The following CEP295 variants were observed in gnomAD, a reference collection of about 807,000 sequenced individuals.
The protein encoded by CEP295 is centrosomal protein 295, also known as centrosomal protein of 295 kDa.
Under a neutral mutation model 291.6 loss-of-function variants are expected in CEP295, and 190 were observed. That is an observed-to-expected ratio of 0.65 (90% CI 0.58 to 0.73). The LOEUF is 0.73. Among genes scored for constraint, CEP295 ranks in the 30% least tolerant of loss-of-function variants. The pLI is 0.00. For missense variants in CEP295, 2,863 were observed against 2,949.4 expected, an observed-to-expected ratio of 0.97 and a Z score of 0.68; for synonymous variants, 993 against 1,038.8, an observed-to-expected ratio of 0.96 and a Z score of 0.85.
At chr11:93,716,326 T>C (rs1237423063) in intron 18 of CEP295, among the ~76,000 whole-genome samples, 1 of 152,154 alleles carries the variant, frequency 6.6e-6, no homozygotes, top group East Asian at 1.9e-4. Flanking sequence ...ACAGATTCTC[T>C]CTCCGCACCA....
chr11:93,671,506 CT>C (rs1410791239), intron 5 of CEP295, among the ~76,000 whole-genome samples: 1 of 152,198 alleles, frequency 6.6e-6, no homozygotes, highest in Non-Finnish European at 1.5e-5. Context: ...TTAATTTACT[CT>C]GTCCCGTATC....
At chr11:93,709,989 TG>T (rs2135218070) in intron 18 of CEP295, among the ~76,000 whole-genome samples, 1 of 152,370 alleles carries the variant, frequency 6.6e-6, no homozygotes, top group East Asian at 1.9e-4. Flanking sequence ...ATGTTGATTT[TG>T]TATCCTGCAA....
intron 23 of CEP295, 125 bp from the exon 24 acceptor site, chr11:93,726,851 C>A: frequency 1.5e-6 from 1 of 678,158 alleles, no homozygotes; most frequent in Non-Finnish European, 2.5e-6. Context: ...TGTTTATACA[C>A]ATCAACTTTT....
In CEP295 at chr11:93,697,575, T is replaced by C. The variant is rs115822333; in HGVS notation, c.2663T>C (p.Phe888Ser). Residue 888 changes from phenylalanine to serine, a missense_variant, in exon 15 of 30, where the codon TTC (phenylalanine) becomes TCC (serine). By Grantham distance (155) the Phe-to-Ser change is radical. Transcript: ENST00000325212. ...EVEQQTGLSVFLPLVTPDSSA... is the reference protein window; with the variant it reads ...EVEQQTGLSVSLPLVTPDSSA... The stretch of plus-strand genomic sequence containing the variant: ...GAACAGCAAACGGGCCTCTCGGTAT[T>C]CCTTCCCTTGGTAACTCCAGATTCA... 2,772 of 1,551,750 alleles carry C rather than the reference T, an allele frequency of 1.8e-3. 43 individuals carry two copies. In the African/African-American group the frequency reaches 0.032, roughly 18 times the overall value.
intron 3 of CEP295, 26 bp from the exon 4 acceptor site, chr11:93,668,782 A>T (rs1950302865): frequency 6.9e-7 from 1 of 1,454,952 alleles, no homozygotes; most frequent in Non-Finnish European, 9.2e-7. Context: ...GTTTAACATG[A>T]CATTTTAAGT....
At chr11:93,683,846 T>C in intron 8 of CEP295, 104 bp downstream of exon 8, 1 of 1,422,386 alleles carries the variant, frequency 7.0e-7, no homozygotes. Flanking sequence ...GAGTTCTCTG[T>C]TTGAAGGAGG....
chr11:93,685,377 TTATCA>T (rs960247481), intron 9 of CEP295, among the ~76,000 whole-genome samples: 1 of 152,224 alleles, frequency 6.6e-6, no homozygotes, highest in African/African-American at 2.4e-5. Context: ...CCAGGCTTTC[TTATCA>T]TCTTCACCCT....
rs184863928 is a variant in CEP295 at position 93,682,812 on chromosome 11, T to G, written c.766-747T>G. Among the ~76,000 whole-genome samples the G allele has an allele frequency of 2.4e-4, 37 of 152,326 alleles. No homozygotes were observed. The East Asian group carries it at 5.6e-3, about 23-fold the overall frequency. On this transcript the variant is annotated intron_variant, in intron 7 of 29. Coordinates refer to ENST00000325212, the MANE Select transcript of CEP295 (RefSeq NM_033395.2). ...AGCTATAATGAACAGTGTGCTATTT[T>G]CTGAATATCCCGTGCCTTCATCTCC...
intron 17 of CEP295, 93 bp from the exon 18 acceptor site, chr11:93,706,652 A>G: frequency 9.3e-7 from 1 of 1,076,594 alleles, no homozygotes; most frequent in Non-Finnish European, 1.3e-6. Context: ...AGTCTTTAAG[A>G]GCTTAGATTT....
At position 93,702,655 on chromosome 11, in the gene CEP295, G is replaced by A. The variant is rs775837772; in HGVS notation, c.5452+18G>A. 3 of 1,534,398 alleles carry A rather than the reference G, an allele frequency of 2.0e-6. No homozygotes were observed. Among genetic ancestry groups the A allele is most frequent in the South Asian group, 2.5e-5 (2 of 80,792 alleles). On this transcript the variant is annotated intron_variant, in intron 16 of 29. Coordinates refer to ENST00000325212, the MANE Select transcript of CEP295 (RefSeq NM_033395.2). ...GCAAAGTGGTAAGATAATTGTGTTT[G>A]ATTGTAATTATTTCACTGATTATTC...
Position 93,698,656 on chromosome 11 carries a change from A to T in CEP295, c.3744A>T (p.Gln1248His), listed in dbSNP as rs375480523. 6 of 1,550,806 alleles carry T rather than the reference A, an allele frequency of 3.9e-6. No homozygotes were observed. Among genetic ancestry groups the T allele is most frequent in the Non-Finnish European group, 5.2e-6 (6 of 1,147,106 alleles). Residue 1248 changes from glutamine to histidine, a missense_variant, in exon 15 of 30, where the codon CAA (glutamine) becomes CAT (histidine). By Grantham distance (24) the Gln-to-His change is conservative. Coordinates refer to ENST00000325212, the MANE Select transcript of CEP295 (RefSeq NM_033395.2). ...AGGAAAGACTTTTGAGAGTTTCACA[A>T]CATATGCTACCTCTACAAGATAATT... ...RCQERLLRVS[Q>H]HMLPLQDNLE...
At chr11:93,663,066 A>C (rs1950057788) in intron 1 of CEP295, among the ~76,000 whole-genome samples, 1 of 152,246 alleles carries the variant, frequency 6.6e-6, no homozygotes, top group Admixed American at 6.5e-5. Flanking sequence ...ACAGACTGAG[A>C]AACTGTCCCA....
In CEP295 at chr11:93,722,034, G is replaced by A. The variant is rs199966374; in HGVS notation, c.5931G>A (p.Leu1977=). 2.3e-4 allele frequency: 363 copies of A among 1,550,700 alleles called. 1 individual carries two copies. The Middle Eastern group carries it at 6.2e-3, about 26-fold the overall frequency. ...TTTTAAGTTATGAAAACACAGATTT[G>A]AGCCTTACAGATCCAGGTAATAAGG... ...GSLLSYENTD[L]SLTDPESFSE... Residue 1977 remains leucine, a synonymous_variant, in exon 20 of 30, where the codon TTG becomes TTA. Transcript: ENST00000325212.
chr11:93,697,876 C>G lies in CEP295; in HGVS notation c.2964C>G (p.Ser988=). The change falls in exon 15 of 30, where the codon TCC becomes TCG. Residue 988 remains serine, a synonymous_variant. Coordinates refer to ENST00000325212, the MANE Select transcript of CEP295 (RefSeq NM_033395.2). ...KQSELDRRVC[S]EQAEPSFPFQ... ...GTGAATTGGATAGAAGAGTATGTTC[C>G]GAACAGGCTGAGCCCTCTTTCCCAT... 2 of 1,551,608 alleles carry G rather than the reference C, an allele frequency of 1.3e-6. No individual in the cohort carries two copies. Among genetic ancestry groups the G allele is most frequent in the Non-Finnish European group, 1.7e-6 (2 of 1,146,968 alleles).
chr11:93,727,359 A>G lies in CEP295; in HGVS notation c.6883A>G (p.Ser2295Gly), dbSNP rs1212129721. 2 of 1,551,272 alleles carry G rather than the reference A, an allele frequency of 1.3e-6. No individual in the cohort carries two copies. The highest frequency in any genetic ancestry group is 1.7e-6 in the Non-Finnish European group (2 of 1,146,900). The stretch of plus-strand genomic sequence containing the variant: ...AAGAGGGGTTGTTACAATGTTACAA[A>G]GTCAAGGACTCATTGAAGATAATAA... ...SKRGVVTMLQSQGLIEDNKNE... is the reference protein window; with the variant it reads ...SKRGVVTMLQGQGLIEDNKNE... The change falls in exon 24 of 30, where the codon AGT becomes GGT. Residue 2295 changes from serine to glycine, a missense_variant. Transcript: ENST00000325212.
intron 15 of CEP295, among the ~76,000 whole-genome samples, chr11:93,700,699 A>G (rs1018663239): frequency 6.6e-6 from 1 of 152,190 alleles, no homozygotes; most frequent in African/African-American, 2.4e-5. Flanking sequence ...CCAAAGCTCA[A>G]TTAATTTCAC....
At position 93,706,807 on chromosome 11, in the gene CEP295, T is replaced by G; in HGVS notation, c.5659T>G (p.Phe1887Val). ...AGTCTCAATAAGCCGAGAACAAAGT[T>G]TCTTTGGGAGCCCACTGGCCCATGA... is the stretch of plus-strand genomic sequence containing the variant. ...LRVSISREQS[F>V]FGSPLAHDPF... The change falls in exon 18 of 30, where the codon TTC (phenylalanine) becomes GTC (valine). Residue 1887 changes from phenylalanine (F) to valine (V), a missense_variant. Transcript: ENST00000325212. The G allele has an allele frequency of 6.4e-7, 1 of 1,550,700 alleles. No individual in the cohort carries two copies. Among genetic ancestry groups the G allele is most frequent in the Non-Finnish European group, 8.7e-7 (1 of 1,146,498 alleles).
intron 2 of CEP295, 35 bp from the exon 3 acceptor site, chr11:93,667,572 C>A: frequency 6.9e-7 from 1 of 1,450,368 alleles, no homozygotes; most frequent in South Asian, 1.4e-5. Context: ...AAGTAAACCT[C>A]CTTTCATATA....
chr11:93,681,785 A>T (rs1398727729), intron 7 of CEP295, among the ~76,000 whole-genome samples: 1 of 151,302 alleles, frequency 6.6e-6, no homozygotes, highest in Non-Finnish European at 1.5e-5. Context: ...GACCTCAAAC[A>T]ATCTGCCTGC....
Sources: allele counts gnomAD v4.1 joint callset (sites outside exome capture counted in the v4.1 genomes callset), GRCh38; gene constraint gnomAD v4.1.1; transcripts MANE v1.5; gene names NCBI Gene and HGNC (gene_info 2026-07-23, HGNC 2026-07-21).